The following RABGAP1L variants were observed in gnomAD, a reference collection of about 807,000 sequenced individuals.
RABGAP1L encodes rab GTPase-activating protein 1-like.
RABGAP1L carries 63 observed loss-of-function variants against 137.7 expected under a neutral mutation model. That is an observed-to-expected ratio of 0.46 (90% confidence interval 0.37 to 0.56). The LOEUF is 0.56. RABGAP1L is among the 20% of genes least tolerant of loss of function. The pLI, the probability that RABGAP1L is intolerant of heterozygous loss-of-function variation, is 0.00. For missense variants in RABGAP1L, 1,095 were observed against 1,244.0 expected, an observed-to-expected ratio of 0.88 and a Z score of 1.80; for synonymous variants, 431 against 433.7, an observed-to-expected ratio of 0.99 and a Z score of 0.08.
At chr1:174,269,708 A>G (rs559375734) in intron 7 of RABGAP1L, among the ~76,000 whole-genome samples, 23 of 152,268 alleles carry the variant, frequency 1.5e-4, no homozygotes, top group African/African-American at 4.6e-4. Context: ...TATATTATAA[A>G]TTATGTTGGA....
chr1:174,804,244 G>GT (rs775066563), intron 18 of RABGAP1L, among the ~76,000 whole-genome samples: 4,691 of 100,206 alleles, frequency 0.047, 115 homozygotes, highest in Middle Eastern at 0.14. Flanking sequence ...CCCTGCGGAT[G>GT]TTTTTTTTTT....
chr1:174,748,277 C>T lies in RABGAP1L; in HGVS notation c.2170-4036C>T, dbSNP rs1218379997. ...GGTCCACAGGGAAATAATCAACCCC[C>T]GAAAATTTGGGAAAGCTAGTGTAGT... On this transcript the variant is annotated intron_variant, in intron 17 of 25. Transcript: ENST00000681986. Among the ~76,000 whole-genome samples, 9 of 152,046 alleles carry T rather than the reference C, an allele frequency of 5.9e-5. No individual in the cohort carries two copies. In the South Asian group the frequency reaches 1.5e-3, roughly 25 times the overall value.
intron 3 of RABGAP1L, 30 bp downstream of exon 3, chr1:174,221,194 A>T (rs1310338909): frequency 7.0e-7 from 1 of 1,428,138 alleles, no homozygotes; most frequent in African/African-American, 1.5e-5. Flanking sequence ...GAAACTATTA[A>T]AGAAATGGGA....
At chr1:174,267,941 G>A (rs1457100894) in intron 7 of RABGAP1L, among the ~76,000 whole-genome samples, 2 of 152,128 alleles carry the variant, frequency 1.3e-5, no homozygotes, top group Non-Finnish European at 2.9e-5. Context: ...CCACACCACT[G>A]TACATAGTGA....
chr1:174,431,299 T>C (rs916339859), intron 13 of RABGAP1L, among the ~76,000 whole-genome samples: 1 of 152,190 alleles, frequency 6.6e-6, no homozygotes, highest in Admixed American at 6.5e-5. Context: ...ATTTCATTGA[T>C]ATAAAAATGA....
At chr1:174,392,215 A>G (rs919358461) in intron 12 of RABGAP1L, among the ~76,000 whole-genome samples, 1 of 152,220 alleles carries the variant, frequency 6.6e-6, no homozygotes, top group South Asian at 2.1e-4. Context: ...AATCATTATA[A>G]ATATTTCAGA....
intron 13 of RABGAP1L, among the ~76,000 whole-genome samples, chr1:174,411,399 A>G (rs1649912605): frequency 1.3e-5 from 2 of 152,072 alleles, no homozygotes; most frequent in South Asian, 4.2e-4. Context: ...ATTTTGAGGT[A>G]TGTTGCTTTG....
At chr1:174,650,238 G>A (rs1039651804) in intron 14 of RABGAP1L, among the ~76,000 whole-genome samples, 12 of 152,180 alleles carry the variant, frequency 7.9e-5, no homozygotes, top group Admixed American at 7.2e-4. Flanking sequence ...CGGTTTGCCA[G>A]TATTTTATTC....
In RABGAP1L at chr1:174,219,167, A is replaced by C. The variant is rs1356839835; in HGVS notation, c.10A>C (p.Arg4=). The change falls in exon 2 of 26, where the codon AGA becomes CGA. Residue 4 remains arginine, a synonymous_variant. Coordinates refer to ENST00000681986, the MANE Select transcript of RABGAP1L (RefSeq NM_001366446.1). The part of the protein sequence containing the change: MEV[R]ASLQKVSGSS... Reference sequence around the variant, plus strand: ...AGTTTGCAGAACTGAAATGGAGGTCAGAGCTTCATTACAGAAGGTTAGTGG... The same window carrying C: ...AGTTTGCAGAACTGAAATGGAGGTCCGAGCTTCATTACAGAAGGTTAGTGG... 1 of 1,599,560 alleles carries C rather than the reference A, an allele frequency of 6.3e-7. No homozygotes were observed. Among genetic ancestry groups the C allele is most frequent in the Non-Finnish European group, 8.5e-7 (1 of 1,173,990 alleles).
At chr1:174,873,668 G>A (rs1378084208) in intron 19 of RABGAP1L, among the ~76,000 whole-genome samples, 2 of 151,340 alleles carry the variant, frequency 1.3e-5, no homozygotes, top group African/African-American at 2.4e-5. Flanking sequence ...GCGCCACCAC[G>A]CCTGGCTAAT....
intron 11 of RABGAP1L, among the ~76,000 whole-genome samples, chr1:174,342,237 G>T (rs1276573961): frequency 6.6e-6 from 1 of 151,928 alleles, no homozygotes; most frequent in East Asian, 1.9e-4. Context: ...AGAGGGGATT[G>T]GTCAGAAACA....
At chr1:174,169,728 T>C (rs950485324) in intron 1 of RABGAP1L, among the ~76,000 whole-genome samples, 7 of 150,910 alleles carry the variant, frequency 4.6e-5, no homozygotes, top group African/African-American at 1.5e-4. Context: ...ATCTCTCTGT[T>C]GCCCAGGCTG....
intron 7 of RABGAP1L, among the ~76,000 whole-genome samples, chr1:174,268,424 C>T (rs566055028): frequency 2.6e-5 from 4 of 152,070 alleles, no homozygotes; most frequent in Admixed American, 6.5e-5. Context: ...AGGATGGTCT[C>T]GATCTCCTGA....
intron 13 of RABGAP1L, among the ~76,000 whole-genome samples, chr1:174,397,747 C>A (rs1648055823): frequency 6.6e-6 from 1 of 152,150 alleles, no homozygotes; most frequent in Non-Finnish European, 1.5e-5. Flanking sequence ...GGTAGCCAGA[C>A]TTGAGGCTAA....
At chr1:174,213,868 A>G (rs1043975418) in intron 1 of RABGAP1L, among the ~76,000 whole-genome samples, 4 of 152,222 alleles carry the variant, frequency 2.6e-5, no homozygotes, top group Admixed American at 6.5e-5. Flanking sequence ...TGTATGAGAG[A>G]CCCATTGCTA....
chr1:174,596,866 G>T (rs1039642236), intron 13 of RABGAP1L, among the ~76,000 whole-genome samples: 3 of 151,954 alleles, frequency 2.0e-5, no homozygotes, highest in African/African-American at 7.2e-5. Flanking sequence ...CTTTTATTGT[G>T]TGTTGAAGTA....
chr1:174,750,234 G>C (rs929899427), intron 17 of RABGAP1L, among the ~76,000 whole-genome samples: 2 of 152,174 alleles, frequency 1.3e-5, no homozygotes, highest in Non-Finnish European at 2.9e-5. Flanking sequence ...TATTGCTACA[G>C]GGTGTTTGCT....
chr1:174,628,715 AAT>A (rs1207970191), intron 13 of RABGAP1L, among the ~76,000 whole-genome samples: 2 of 152,146 alleles, frequency 1.3e-5, no homozygotes, highest in Non-Finnish European at 2.9e-5. Context: ...TGAGGTACAA[AAT>A]GGGAGATACA....
intron 19 of RABGAP1L, among the ~76,000 whole-genome samples, chr1:174,871,758 T>C (rs116158513): frequency 3.2e-4 from 49 of 152,364 alleles, no homozygotes; most frequent in Non-Finnish European, 6.6e-4. Context: ...TTGAATGCTT[T>C]AGAAATTAAT....
Sources: gnomAD v4.1 joint callset for allele counts (sites outside exome capture counted in the v4.1 genomes callset) on GRCh38, gnomAD v4.1.1 for gene constraint, MANE v1.5 for transcripts, NCBI Gene and HGNC (gene_info 2026-07-23, HGNC 2026-07-21) for gene names.